The following COLGALT2 variants were observed in gnomAD, a reference collection of about 807,000 sequenced individuals.
COLGALT2 encodes the protein collagen beta(1-O)galactosyltransferase 2.
COLGALT2 carries 49 observed loss-of-function variants against 73.4 expected under a neutral mutation model. The observed-to-expected ratio is 0.67, with a 90% confidence interval of 0.53 to 0.85. COLGALT2 has a LOEUF of 0.85. Among genes scored for constraint, COLGALT2 ranks in the 40% least tolerant of loss-of-function variants. The pLI is 0.00. For synonymous variants in COLGALT2, 295 were observed against 307.6 expected, an observed-to-expected ratio of 0.96 and a Z score of 0.43; for missense variants, 722 against 790.2, an observed-to-expected ratio of 0.91 and a Z score of 1.03.
chr1:183,982,788 T>C (rs1671387754), intron 1 of COLGALT2, among the ~76,000 whole-genome samples: 1 of 152,164 alleles, frequency 6.6e-6, no homozygotes, highest in Non-Finnish European at 1.5e-5. Context: ...GGCAACATAG[T>C]GAGACCCCAT....
chr1:183,938,916 T>C lies in COLGALT2; in HGVS notation c.1726A>G (p.Thr576Ala). 2 of 1,614,148 alleles carry C rather than the reference T, an allele frequency of 1.2e-6. No individual in the cohort carries two copies. Among genetic ancestry groups the C allele is most frequent in the South Asian group, 2.2e-5 (2 of 91,070 alleles). Residue 576 changes from threonine (T) to alanine (A), a missense_variant, in exon 12 of 12, where the codon ACC becomes GCC. Transcript: ENST00000361927. Reference sequence around the variant, plus strand: ...GCCACTGTCTCATTGTCCCAGATGGTGGAGGTCTCCGTGTCACTCAGGTAC... The same window carrying C: ...GCCACTGTCTCATTGTCCCAGATGGCGGAGGTCTCCGTGTCACTCAGGTAC... ...PGYLSDTETSTIWDNETVATD... is the reference protein window; with the variant it reads ...PGYLSDTETSAIWDNETVATD...
intron 1 of COLGALT2, among the ~76,000 whole-genome samples, chr1:184,001,914 A>G (rs2102839443): frequency 6.6e-6 from 1 of 152,374 alleles, no homozygotes; most frequent in African/African-American, 2.4e-5. Context: ...CCACAGGTCT[A>G]AAAGTCTGGG....
chr1:184,034,051 G>A (rs149344953), intron 1 of COLGALT2, among the ~76,000 whole-genome samples: 68 of 152,284 alleles, frequency 4.5e-4, no homozygotes, highest in Non-Finnish European at 7.5e-4. Context: ...GCAAGCAATC[G>A]GTAGAAGCAC....
At chr1:184,030,505 C>T (rs1649479329) in intron 1 of COLGALT2, among the ~76,000 whole-genome samples, 1 of 152,110 alleles carries the variant, frequency 6.6e-6, no homozygotes, top group East Asian at 1.9e-4. Context: ...TTATAATGGT[C>T]CTACTATACT....
At chr1:183,990,685 A>G (rs1481355604) in intron 1 of COLGALT2, among the ~76,000 whole-genome samples, 1 of 152,244 alleles carries the variant, frequency 6.6e-6, no homozygotes, top group Non-Finnish European at 1.5e-5. Context: ...AGAATGTTCC[A>G]GAAAAAGGAA....
chr1:183,933,747 T>C (rs546749212), downstream of COLGALT2, among the ~76,000 whole-genome samples: 2 of 151,354 alleles, frequency 1.3e-5, no homozygotes, highest in East Asian at 3.9e-4. Context: ...GCCAGGTCCA[T>C]GGGGGCAGAG....
Position 183,937,035 on chromosome 1 carries a change from C to T in COLGALT2, c.*1726G>A. The stretch of plus-strand genomic sequence containing the variant: ...CTAGACTCTGAGCCATGCTGTTCAA[C>T]CTTAATGTGGCAATCAGTATCACAT... On this transcript the variant is annotated 3_prime_UTR_variant, in exon 12 of 12. Coordinates refer to ENST00000361927, the MANE Select transcript of COLGALT2 (RefSeq NM_015101.4). 8.1e-7 allele frequency: 1 copy of T among 1,231,728 alleles called. No individual in the cohort carries two copies. The highest frequency in any genetic ancestry group is 1.0e-6 in the Non-Finnish European group (1 of 987,970). The allele number at this position is 1,231,728 out of a possible 1,614,324, so 76.3% of individuals were successfully genotyped here. A position where few individuals can be genotyped will look rare whatever the true frequency, so the allele number is the denominator to read the frequency against.
rs1649737267 is a variant in COLGALT2 at position 184,037,587 on chromosome 1, C to G, written c.-230G>C. ...GTGCGGGTGCGCAGCGTACCTGCAG[C>G]CGCTGGCGCTCCCCTGCGCCTCGGG... is the stretch of plus-strand genomic sequence containing the variant. On this transcript the variant is annotated 5_prime_UTR_variant, in exon 1 of 12. Transcript: ENST00000361927. 9.2e-7 allele frequency: 1 copy of G among 1,092,038 alleles called. No homozygotes were observed. Among genetic ancestry groups the G allele is most frequent in the Non-Finnish European group, 1.1e-6 (1 of 900,054 alleles). 67.6% of individuals were successfully genotyped at this position (1,092,038 alleles called of 1,614,324 possible).
intron 1 of COLGALT2, among the ~76,000 whole-genome samples, chr1:184,019,472 T>C (rs1049986553): frequency 1.3e-5 from 2 of 152,206 alleles, no homozygotes; most frequent in Admixed American, 1.3e-4. Context: ...TTATGTTAAC[T>C]GATGAACTAG....
At chr1:183,990,737 G>GTTT (rs1457430335) in intron 1 of COLGALT2, among the ~76,000 whole-genome samples, 4 of 152,378 alleles carry the variant, frequency 2.6e-5, no homozygotes, top group African/African-American at 7.2e-5. Flanking sequence ...AGTCTGATGT[G>GTTT]TTTGTGGAAC....
intron 7 of COLGALT2, among the ~76,000 whole-genome samples, chr1:183,951,332 T>C (rs1297407703): frequency 6.6e-6 from 1 of 152,220 alleles, no homozygotes; most frequent in Non-Finnish European, 1.5e-5. Context: ...GTGACTTAAC[T>C]CTCTTTGTTT....
In COLGALT2 at chr1:183,936,076, G is replaced by A. The variant is rs962213417; in HGVS notation, c.*2685C>T. 1.4e-5 allele frequency: 14 copies of A among 985,332 alleles called. No individual in the cohort carries two copies. Among genetic ancestry groups the A allele is most frequent in the South Asian group, 1.4e-4 (3 of 21,290 alleles). 61.0% of individuals were successfully genotyped at this position (985,332 alleles called of 1,614,324 possible). The stretch of plus-strand genomic sequence containing the variant: ...GCAGCACCAGCACTGCTGATGTCAC[G>A]GTTGTCTGTCCAGAAGATCCCACGT... On this transcript the variant is annotated 3_prime_UTR_variant, in exon 12 of 12. Transcript: ENST00000361927.
chr1:184,017,560 AC>A (rs1649044793), intron 1 of COLGALT2, among the ~76,000 whole-genome samples: 1 of 152,126 alleles, frequency 6.6e-6, no homozygotes. Context: ...CCCCAAGTTA[AC>A]TTCCCCTCAA....
chr1:183,952,060 AT>A (rs1670416398), intron 7 of COLGALT2, among the ~76,000 whole-genome samples: 1 of 152,224 alleles, frequency 6.6e-6, no homozygotes, highest in Non-Finnish European at 1.5e-5. Context: ...CAGCCAACTC[AT>A]TTTCAACAAG....
intron 8 of COLGALT2, 98 bp downstream of exon 8, chr1:183,950,909 C>T (rs1467566905): frequency 2.0e-5 from 17 of 847,612 alleles, no homozygotes; most frequent in East Asian, 1.2e-4. Flanking sequence ...CTCTAATGAC[C>T]GAAGAGACTT....
intron 4 of COLGALT2, among the ~76,000 whole-genome samples, chr1:183,969,915 C>T (rs1670989683): frequency 1.3e-5 from 2 of 152,304 alleles, no homozygotes; most frequent in Non-Finnish European, 2.9e-5. Flanking sequence ...TTCCTCATCT[C>T]TAAAACAGGG....
At position 183,940,488 on chromosome 1, in the gene COLGALT2, A is replaced by G. The variant is rs189112153; in HGVS notation, c.1604+93T>C. ...GAAGATCATTTAGGAAAGCAGTACA[A>G]CTTTAGAAAATATCAAGTACTACCA... On this transcript the variant is annotated intron_variant, in intron 11 of 11. Transcript: ENST00000361927. 10 of 1,147,824 alleles carry G rather than the reference A, an allele frequency of 8.7e-6. No individual in the cohort carries two copies. In the Admixed American group the frequency reaches 1.6e-4, roughly 18 times the overall value. 71.1% of individuals were successfully genotyped at this position (1,147,824 alleles called of 1,614,324 possible).
intron 1 of COLGALT2, among the ~76,000 whole-genome samples, chr1:183,997,823 T>G (rs867657460): frequency 6.6e-6 from 1 of 152,264 alleles, no homozygotes; most frequent in East Asian, 1.9e-4. Context: ...CTTACACATG[T>G]TGATACTTTT....
intron 6 of COLGALT2, among the ~76,000 whole-genome samples, chr1:183,957,992 C>T (rs372630072): frequency 2.8e-4 from 43 of 152,126 alleles, no homozygotes; most frequent in African/African-American, 9.6e-4. Context: ...TCACCTTATG[C>T]TGTAATTTGC....
Sources: allele counts gnomAD v4.1 joint callset (sites outside exome capture counted in the v4.1 genomes callset), GRCh38; gene constraint gnomAD v4.1.1; transcripts MANE v1.5; gene names NCBI Gene and HGNC (gene_info 2026-07-23, HGNC 2026-07-21).